LARGE1: variants seen among roughly 807,000 people sequenced by gnomAD.
LARGE1 encodes LARGE xylosyl- and glucuronyltransferase 1.
LARGE1 carries 43 observed loss-of-function variants against 87.6 expected under a neutral mutation model. The ratio of observed to expected loss-of-function variants is 0.49; its 90% CI spans 0.38 to 0.63. LARGE1 has a LOEUF of 0.63. LARGE1 is among the 30% of genes least tolerant of loss of function. LARGE1 has a pLI of 0.00. For missense variants in LARGE1, 802 were observed against 1,000.2 expected, an observed-to-expected ratio of 0.80 and a Z score of 2.67; for synonymous variants, 434 against 394.6, an observed-to-expected ratio of 1.10 and a Z score of -1.18.
intron 7 of LARGE1, among the ~76,000 whole-genome samples, chr22:33,407,342 G>A (rs1018828259): frequency 3.9e-5 from 6 of 152,168 alleles, no homozygotes; most frequent in African/African-American, 1.4e-4. Context: ...TCTAACTGCT[G>A]GGGAATAAAG....
chr22:33,439,192 TG>T (rs1318759031), intron 6 of LARGE1, among the ~76,000 whole-genome samples: 3 of 144,966 alleles, frequency 2.1e-5, no homozygotes, highest in Non-Finnish European at 4.5e-5. Flanking sequence ...CCAGTCTAGG[TG>T]ACAGAGTGAG....
In LARGE1 at chr22:33,316,234, C is replaced by A; in HGVS notation, c.1302G>T (p.Leu434=). The change falls in exon 11 of 15, where the codon CTG becomes CTT. Residue 434 remains leucine (L), a synonymous_variant. Transcript: ENST00000397394. ...ACAGGTCGTCCTCGTCCAGCTCAGACAGCTGCTTCTGGAGCTGCAGGGTAG... is the reference window on the plus strand; with the variant it reads ...ACAGGTCGTCCTCGTCCAGCTCAGAAAGCTGCTTCTGGAGCTGCAGGGTAG... ...DVNSENLQKQ[L]SELDEDDLCY... 6.2e-7 allele frequency: 1 copy of A among 1,613,764 alleles called. No individual in the cohort carries two copies. The highest frequency in any genetic ancestry group is 8.5e-7 in the Non-Finnish European group (1 of 1,179,928).
At chr22:33,247,592 G>A (rs527433857) in intron 11 of LARGE1, among the ~76,000 whole-genome samples, 3 of 152,294 alleles carry the variant, frequency 2.0e-5, no homozygotes, top group Non-Finnish European at 4.4e-5. Flanking sequence ...AAGCTAAAAC[G>A]TTGCATGTTC....
intron 2 of LARGE1, among the ~76,000 whole-genome samples, chr22:33,671,735 A>G: frequency 6.6e-6 from 1 of 152,208 alleles, no homozygotes; most frequent in Non-Finnish European, 1.5e-5. Flanking sequence ...TTTTCAACCC[A>G]TCTATGCCTA....
chr22:33,250,711 T>C (rs984813702), intron 11 of LARGE1, among the ~76,000 whole-genome samples: 2 of 152,228 alleles, frequency 1.3e-5, no homozygotes, highest in Non-Finnish European at 2.9e-5. Context: ...TTAATCATGA[T>C]TGACTTTTGG....
chr22:33,088,483 T>C, the LARGE1 span, among the ~76,000 whole-genome samples: 1 of 152,210 alleles, frequency 6.6e-6, no homozygotes, highest in Non-Finnish European at 1.5e-5. Context: ...ATCGTGTCTG[T>C]GCCAGTAGGA....
chr22:33,859,995 G>A (rs918975810), intron 1 of LARGE1, among the ~76,000 whole-genome samples: 13 of 152,106 alleles, frequency 8.5e-5, no homozygotes, highest in African/African-American at 2.9e-4. Context: ...TTGTTCAAAG[G>A]ATGCACAATT....
rs1049983981 is a variant in LARGE1, at chr22:33,556,477, A to C, written c.787+8371T>G. On this transcript the variant is annotated intron_variant, in intron 6 of 14. Transcript: ENST00000397394. ...AGGTAGTAAATTAATGAAAGAATGA[A>C]TGACTGAATGGGTGCAAAAGGCAAG... Among the ~76,000 whole-genome samples, 20 of 146,364 alleles carry C rather than the reference A, an allele frequency of 1.4e-4. No homozygotes were observed. The South Asian group carries it at 3.9e-3, about 28-fold the overall frequency.
chr22:33,687,714 C>T (rs891945342), intron 2 of LARGE1, among the ~76,000 whole-genome samples: 23 of 152,006 alleles, frequency 1.5e-4, no homozygotes, highest in Non-Finnish European at 2.5e-4. Flanking sequence ...GAGGAGCGCT[C>T]GGGACCGATG....
chr22:33,083,282 G>C, the LARGE1 span, among the ~76,000 whole-genome samples: 2 of 152,124 alleles, frequency 1.3e-5, no homozygotes, highest in Non-Finnish European at 2.9e-5. Context: ...TTCTAGGTAT[G>C]CATTTGCCTT....
intron 11 of LARGE1, among the ~76,000 whole-genome samples, chr22:33,190,715 C>T (rs994725573): frequency 3.9e-5 from 6 of 152,144 alleles, no homozygotes; most frequent in African/African-American, 1.4e-4. Flanking sequence ...TTCAATATCT[C>T]CTTCTACTGC....
At chr22:33,218,129 C>G (rs1925295279) in intron 11 of LARGE1, among the ~76,000 whole-genome samples, 1 of 152,014 alleles carries the variant, frequency 6.6e-6, no homozygotes, top group Admixed American at 6.6e-5. Context: ...GGGATTTCAT[C>G]ATGTTGGCCA....
chr22:33,175,572 A>C (rs535708627), intron 11 of LARGE1, among the ~76,000 whole-genome samples: 3 of 152,154 alleles, frequency 2.0e-5, no homozygotes, highest in South Asian at 2.1e-4. Context: ...CAAAGAGAAT[A>C]AATTCCTAGG....
chr22:33,179,374 C>T (rs1923044607), intron 11 of LARGE1, among the ~76,000 whole-genome samples: 1 of 152,070 alleles, frequency 6.6e-6, no homozygotes, highest in Non-Finnish European at 1.5e-5. Flanking sequence ...GATCTTTCTT[C>T]TCTTGAGCAA....
chr22:33,395,499 A>C (rs976939955), intron 7 of LARGE1, among the ~76,000 whole-genome samples: 1 of 152,214 alleles, frequency 6.6e-6, no homozygotes, highest in Non-Finnish European at 1.5e-5. Flanking sequence ...GCAGGCAAGA[A>C]CTCTTTAAAA....
chr22:33,921,185 G>GC (rs1044587369), upstream of LARGE1, among the ~76,000 whole-genome samples: 16 of 152,024 alleles, frequency 1.1e-4, no homozygotes, highest in Middle Eastern at 3.4e-3. This position sits in a 1 kb window ranked among gnomAD's most constrained non-coding sequence, Gnocchi z 4.1. Flanking sequence ...CACAGGCTCC[G>GC]CCCCCCGGCG....
At chr22:33,829,350 C>T (rs1053037621) in intron 1 of LARGE1, among the ~76,000 whole-genome samples, 4 of 152,004 alleles carry the variant, frequency 2.6e-5, no homozygotes, top group Non-Finnish European at 4.4e-5. Context: ...CCACCCTTCA[C>T]GCATGGCCCA....
chr22:33,425,756 A>G (rs1240072842), intron 7 of LARGE1, among the ~76,000 whole-genome samples: 2 of 152,116 alleles, frequency 1.3e-5, no homozygotes, highest in Non-Finnish European at 2.9e-5. Flanking sequence ...GATCTCTAAC[A>G]TGCACATATG....
At position 33,618,903 on chromosome 22, in the gene LARGE1, A is replaced by G. The variant is rs561343759; in HGVS notation, c.491+7341T>C. Among the ~76,000 whole-genome samples, 6 of 152,296 alleles carry G rather than the reference A, an allele frequency of 3.9e-5. No homozygotes were observed. The South Asian group carries it at 6.2e-4, about 16-fold the overall frequency. On this transcript the variant is annotated intron_variant, in intron 4 of 14. Coordinates refer to ENST00000397394, the MANE Select transcript of LARGE1 (RefSeq NM_133642.5). Reference sequence around the variant, plus strand: ...CCTTTCCTAATCGGTTTTCTACACTATCATGCCCACCTTTGTGTGGTGTCT... The same window carrying G: ...CCTTTCCTAATCGGTTTTCTACACTGTCATGCCCACCTTTGTGTGGTGTCT...
Sources: allele counts gnomAD v4.1 joint callset (sites outside exome capture counted in the v4.1 genomes callset), GRCh38; gene constraint gnomAD v4.1.1; non-coding constraint Gnocchi (gnomAD v3.1); transcripts MANE v1.5; gene names NCBI Gene and HGNC (gene_info 2026-07-23, HGNC 2026-07-21).